KDM4C: variants seen among roughly 807,000 people sequenced by gnomAD.
KDM4C encodes lysine-specific demethylase 4C.
Under a neutral mutation model 129.3 loss-of-function variants are expected in KDM4C, and 81 were observed. That is an observed-to-expected ratio of 0.63 (90% CI 0.52 to 0.75). The LOEUF (loss-of-function observed/expected upper bound fraction) is 0.75. Among genes scored for constraint, KDM4C ranks in the 30% least tolerant of loss-of-function variants. The pLI is 0.00. For missense variants in KDM4C, 1,457 were observed against 1,304.0 expected, an observed-to-expected ratio of 1.12 and a Z score of -1.81; for synonymous variants, 573 against 456.1, an observed-to-expected ratio of 1.26 and a Z score of -3.26.
At chr9:6,922,330 A>T (rs574427577) in intron 8 of KDM4C, among the ~76,000 whole-genome samples, 7 of 152,192 alleles carry the variant, frequency 4.6e-5, no homozygotes, top group Non-Finnish European at 8.8e-5. Flanking sequence ...TATCATGGTT[A>T]TAGTCATAAG....
intron 13 of KDM4C, among the ~76,000 whole-genome samples, chr9:7,013,178 A>G (rs181189326): frequency 6.6e-6 from 1 of 152,214 alleles, no homozygotes; most frequent in African/African-American, 2.4e-5. Flanking sequence ...ACAGTATAAA[A>G]CATAAAGTAA....
intron 8 of KDM4C, among the ~76,000 whole-genome samples, chr9:6,894,495 A>G (rs1413442315): frequency 2.6e-5 from 4 of 152,236 alleles, no homozygotes; most frequent in African/African-American, 4.8e-5. Context: ...CCACGAGGTT[A>G]TAACAAGGTC....
intron 21 of KDM4C, among the ~76,000 whole-genome samples, chr9:7,171,372 A>T (rs747524444): frequency 2.6e-5 from 4 of 152,222 alleles, no homozygotes; most frequent in Non-Finnish European, 5.9e-5. Flanking sequence ...CTGTTCTGAG[A>T]CCTGAAATTT....
At chr9:6,839,396 G>GTTTTTT (rs36061484) in intron 4 of KDM4C, among the ~76,000 whole-genome samples, 1 of 109,928 alleles carries the variant, frequency 9.1e-6, no homozygotes, top group African/African-American at 3.6e-5. Flanking sequence ...CACCTGGCCA[G>GTTTTTT]TTTTTTTTTT....
At chr9:7,015,966 C>T in intron 15 of KDM4C, 37 bp downstream of exon 15, 6 of 1,397,572 alleles carry the variant, frequency 4.3e-6, no homozygotes, top group Non-Finnish European at 4.1e-6. Context: ...AACCTTTCTT[C>T]CCACCCTACC....
chr9:6,819,685 G>T (rs1188782453), intron 4 of KDM4C, among the ~76,000 whole-genome samples: 1 of 152,164 alleles, frequency 6.6e-6, no homozygotes, highest in African/African-American at 2.4e-5. Flanking sequence ...CCGCCTTGAG[G>T]TAGACAAAGA....
intron 12 of KDM4C, among the ~76,000 whole-genome samples, chr9:6,997,452 C>T (rs2131996086): frequency 6.6e-6 from 1 of 152,250 alleles, no homozygotes; most frequent in Non-Finnish European, 1.5e-5. Flanking sequence ...TGGTGAAGGG[C>T]AATATGATAG....
In KDM4C at chr9:7,103,789, T is replaced by C. The variant is rs1837372425; in HGVS notation, c.2529T>C (p.Ala843=). 6.2e-7 allele frequency: 1 copy of C among 1,614,072 alleles called. No homozygotes were observed. ...CCTTCCATGTCACTTGTGCCCATGC[T>C]GCTGGGGTACTGATGGAGCCTGATG... The part of the protein sequence containing the change: ...PASFHVTCAH[A]AGVLMEPDDW... The change falls in exon 18 of 22, where the codon GCT becomes GCC. Residue 843 remains alanine (A), a synonymous_variant. Transcript: ENST00000381309.
In KDM4C at chr9:6,877,359, C is replaced by T. The variant is rs1035179221; in HGVS notation, c.630-2653C>T. Among the ~76,000 whole-genome samples the T allele has an allele frequency of 2.6e-5, 4 of 152,152 alleles. No individual in the cohort carries two copies. The South Asian group carries it at 8.3e-4, about 32-fold the overall frequency. On this transcript the variant is annotated intron_variant, in intron 5 of 21. Coordinates refer to ENST00000381309, the MANE Select transcript of KDM4C (RefSeq NM_015061.6). ...GAGACTACAGGCGCCCGCCACCACACCCGGATAATTTTTTGTATTTTTAGT... is the reference window on the plus strand; with the variant it reads ...GAGACTACAGGCGCCCGCCACCACATCCGGATAATTTTTTGTATTTTTAGT...
chr9:7,036,099 A>G (rs941244103), intron 15 of KDM4C, among the ~76,000 whole-genome samples: 1 of 152,108 alleles, frequency 6.6e-6, no homozygotes, highest in Non-Finnish European at 1.5e-5. Flanking sequence ...TAACAATGTT[A>G]ATTCTTCCAA....
At chr9:7,014,257 G>C in intron 14 of KDM4C, 1 of 372,262 alleles carries the variant, frequency 2.7e-6, no homozygotes, top group Non-Finnish European at 4.6e-6. Context: ...TCCAGTTGAG[G>C]AGTCATGATG....
intron 1 of KDM4C, among the ~76,000 whole-genome samples, chr9:6,730,788 C>T (rs1005719485): frequency 6.6e-6 from 1 of 152,042 alleles, no homozygotes; most frequent in Non-Finnish European, 1.5e-5. Flanking sequence ...AGGTGAGGTC[C>T]TTAAGTGGAT....
intron 12 of KDM4C, 68 bp downstream of exon 12, chr9:6,990,592 A>G (rs1011798080): frequency 3.1e-5 from 32 of 1,029,634 alleles, no homozygotes; most frequent in Non-Finnish European, 4.0e-5. Flanking sequence ...TATTGTAAAA[A>G]AAATTGCTGA....
intron 12 of KDM4C, among the ~76,000 whole-genome samples, chr9:6,992,214 T>C (rs1044905345): frequency 4.6e-5 from 7 of 152,214 alleles, no homozygotes; most frequent in African/African-American, 1.4e-4. Context: ...TACCAACACA[T>C]AGAGAAAGCT....
intron 13 of KDM4C, among the ~76,000 whole-genome samples, chr9:7,013,533 C>T (rs1408338991): frequency 6.6e-6 from 1 of 152,136 alleles, no homozygotes; most frequent in Non-Finnish European, 1.5e-5. Context: ...TGGAAAGACA[C>T]AGTTTTAGTA....
chr9:7,052,894 A>AGC (rs1554718518), intron 17 of KDM4C, among the ~76,000 whole-genome samples: 8,218 of 105,458 alleles, frequency 0.078, 805 homozygotes, highest in African/African-American at 0.13. Flanking sequence ...AGAGAGAGAG[A>AGC]GAGAGAGCGA....
At chr9:6,976,459 G>A (rs565567971) in intron 8 of KDM4C, among the ~76,000 whole-genome samples, 2 of 152,188 alleles carry the variant, frequency 1.3e-5, no homozygotes, top group South Asian at 4.1e-4. Flanking sequence ...TATTCAGAGG[G>A]CAATTTGTAT....
At chr9:6,963,403 C>CA (rs1830345140) in intron 8 of KDM4C, among the ~76,000 whole-genome samples, 1 of 152,162 alleles carries the variant, frequency 6.6e-6, no homozygotes, top group African/African-American at 2.4e-5. Context: ...TGTCCTCTTA[C>CA]AGGAAGCCCA....
intron 12 of KDM4C, among the ~76,000 whole-genome samples, chr9:7,003,077 G>C (rs963027406): frequency 6.6e-6 from 1 of 152,210 alleles, no homozygotes. Flanking sequence ...TGTTTGTCAG[G>C]CTGGTCTCGA....
Sources: allele counts gnomAD v4.1 joint callset (sites outside exome capture counted in the v4.1 genomes callset), GRCh38; gene constraint gnomAD v4.1.1; transcripts MANE v1.5; gene names NCBI Gene and HGNC (gene_info 2026-07-23, HGNC 2026-07-21).